PRKCB: variants seen among roughly 807,000 people sequenced by gnomAD.
PRKCB encodes the protein protein kinase C beta.
A neutral mutation model predicts 81.5 loss-of-function variants in PRKCB; 13 were observed. The observed-to-expected ratio is 0.16, with a 90% CI of 0.10 to 0.25. The LOEUF (loss-of-function observed/expected upper bound fraction) is 0.25, where lower values mean the gene tolerates loss of function less well. Ranked by LOEUF, PRKCB falls within the 10% of genes least tolerant of loss-of-function variation. The probability of loss-of-function intolerance (pLI) is 1.00; values close to 1 mark genes in which losing one functional copy is unlikely to be tolerated. For missense variants in PRKCB, 509 were observed against 875.7 expected (o/e 0.58, Z 5.29); for synonymous variants, 335 against 321.4 (o/e 1.04, Z -0.45).
chr16:23,882,017 T>TTCCTTCCTTC (rs1567301094), intron 2 of PRKCB, among the ~76,000 whole-genome samples: 19 of 15,678 alleles, frequency 1.2e-3, no homozygotes, highest in African/African-American at 1.7e-3. Flanking sequence ...TTTCTTTCTT[T>TTCCTTCCTTC]CTTTCTTCCT....
At chr16:24,027,255 G>A (rs1965493545) in intron 3 of PRKCB, among the ~76,000 whole-genome samples, 2 of 152,016 alleles carry the variant, frequency 1.3e-5, no homozygotes, top group African/African-American at 2.4e-5. Context: ...TTTGATTTTC[G>A]AACAGGTGTT....
chr16:23,920,588 G>T (rs1384811585), intron 2 of PRKCB, among the ~76,000 whole-genome samples: 2 of 152,162 alleles, frequency 1.3e-5, no homozygotes, highest in African/African-American at 2.4e-5. Flanking sequence ...CCCTGGAAAG[G>T]CTGGTGTGAT....
chr16:23,911,128 CTTTT>C (rs567904157), intron 2 of PRKCB, among the ~76,000 whole-genome samples: 342 of 31,534 alleles, frequency 0.011, 3 homozygotes, highest in African/African-American at 0.037. Flanking sequence ...CGTATATATG[CTTTT>C]TTTTTTTTTT....
chr16:23,956,843 A>G (rs142160323), intron 2 of PRKCB, among the ~76,000 whole-genome samples: 2,101 of 152,170 alleles, frequency 0.014, 53 homozygotes, highest in African/African-American at 0.048. Context: ...AAAAGGTGAC[A>G]TTTTGGATCA....
chr16:23,987,044 G>A (rs1181316764), intron 2 of PRKCB, among the ~76,000 whole-genome samples: 1 of 152,068 alleles, frequency 6.6e-6, no homozygotes, highest in Non-Finnish European at 1.5e-5. Context: ...TATGTCATCA[G>A]AAAGTGAGTA....
intron 8 of PRKCB, among the ~76,000 whole-genome samples, chr16:24,115,726 G>A (rs1966730543): frequency 6.6e-6 from 1 of 151,838 alleles, no homozygotes; most frequent in Non-Finnish European, 1.5e-5. Context: ...ATTTTGTTTT[G>A]TTTTGTTTTG....
intron 2 of PRKCB, among the ~76,000 whole-genome samples, chr16:23,899,188 A>G (rs1229689649): frequency 6.6e-6 from 1 of 152,190 alleles, no homozygotes; most frequent in Non-Finnish European, 1.5e-5. Flanking sequence ...CTCCGCTCCC[A>G]CAGAAAGAGG....
chr16:24,018,473 C>T lies in PRKCB; in HGVS notation c.289-13663C>T, dbSNP rs79301261. Among the ~76,000 whole-genome samples, 44 of 152,176 alleles carry T rather than the reference C, an allele frequency of 2.9e-4. No individual in the cohort carries two copies. The East Asian group carries it at 4.1e-3, about 14-fold the overall frequency. On this transcript the variant is annotated intron_variant, in intron 3 of 16. Transcript: ENST00000643927. ...TTATTCCAGTTTCCACACAAGGAAA[C>T]GAAAACTTAAAAGGGTTAAATAACT...
At chr16:23,847,319 T>C (rs957870025) in intron 2 of PRKCB, among the ~76,000 whole-genome samples, 24 of 16,840 alleles carry the variant, frequency 1.4e-3, no homozygotes, top group East Asian at 1.9e-3. Flanking sequence ...TGATCCTGCC[T>C]CTATCTATCT....
Position 23,902,780 on chromosome 16 carries a change from T to TCCTTCCTTCTTCCTC in PRKCB, c.205+65377_205+65378insTCCTTCTTCCTCCCT, listed in dbSNP as rs1567307987. ...TTCCTTCCTTCCTTCCTTCCTTCCT[T>TCCTTCCTTCTTCCTC]CCTCCCTCCCTCCCTCCCTTCCTTC... is the stretch of plus-strand genomic sequence containing the variant. On this transcript the variant is annotated intron_variant, in intron 2 of 16. Transcript: ENST00000643927. Among the ~76,000 whole-genome samples the TCCTTCCTTCTTCCTC allele has an allele frequency of 3.3e-4, 9 of 27,362 alleles. 1 individual carries two copies. The highest frequency in any genetic ancestry group is 3.7e-4 in the Non-Finnish European group (6 of 16,242). The allele number at this position is 27,362 out of a possible 152,430, so 18.0% of individuals were successfully genotyped here.
At chr16:23,904,041 A>G (rs1963522201) in intron 2 of PRKCB, among the ~76,000 whole-genome samples, 1 of 152,218 alleles carries the variant, frequency 6.6e-6, no homozygotes, top group South Asian at 2.1e-4. Flanking sequence ...TGTCTGCCCT[A>G]GAACTTAGCA....
intron 10 of PRKCB, among the ~76,000 whole-genome samples, chr16:24,158,798 A>G (rs554041182): frequency 4.6e-5 from 7 of 152,172 alleles, no homozygotes; most frequent in African/African-American, 1.7e-4. Context: ...AGCTAGGACT[A>G]CAAGCATGCA....
At chr16:24,116,195 A>T (rs765972829) in intron 8 of PRKCB, among the ~76,000 whole-genome samples, 2 of 152,100 alleles carry the variant, frequency 1.3e-5, no homozygotes, top group African/African-American at 4.8e-5. Context: ...ACACAGCAAG[A>T]TAAAGGACAA....
At chr16:24,057,261 A>G (rs1324748898) in intron 5 of PRKCB, among the ~76,000 whole-genome samples, 2 of 152,200 alleles carry the variant, frequency 1.3e-5, no homozygotes, top group Non-Finnish European at 2.9e-5. Context: ...CTATGAAATA[A>G]TACTATCCCA....
chr16:23,899,022 G>C, intron 2 of PRKCB, among the ~76,000 whole-genome samples: 1 of 152,214 alleles, frequency 6.6e-6, no homozygotes. Context: ...TTATTTTTAT[G>C]AATGGTATTG....
intron 3 of PRKCB, among the ~76,000 whole-genome samples, chr16:24,023,842 G>A (rs73542875): frequency 2.6e-5 from 4 of 152,166 alleles, no homozygotes; most frequent in African/African-American, 4.8e-5. Context: ...CCTCCATGAC[G>A]TGGTGACTAG....
At chr16:23,933,794 CCAT>C (rs1964015184) in intron 2 of PRKCB, among the ~76,000 whole-genome samples, 1 of 148,602 alleles carries the variant, frequency 6.7e-6, no homozygotes, top group Non-Finnish European at 1.5e-5. Context: ...ATCCATCCAT[CCAT>C]CCATCCATCC....
intron 16 of PRKCB, among the ~76,000 whole-genome samples, chr16:24,200,647 T>A (rs1466893518): frequency 1.3e-5 from 2 of 152,152 alleles, no homozygotes; most frequent in African/African-American, 4.8e-5. Context: ...TGGCAGAAGG[T>A]GAAGGGCAAG....
At position 24,216,521 on chromosome 16, in the gene PRKCB, C is replaced by T. The variant is rs1968231035; in HGVS notation, c.*1705C>T. 1.0e-6 allele frequency: 1 copy of T among 985,424 alleles called. No homozygotes were observed. Among genetic ancestry groups the T allele is most frequent in the Non-Finnish European group, 1.2e-6 (1 of 829,936 alleles). 61.0% of individuals were successfully genotyped at this position (985,424 alleles called of 1,614,324 possible). A position where few individuals can be genotyped will look rare whatever the true frequency, so the allele number is the denominator to read the frequency against. On this transcript the variant is annotated 3_prime_UTR_variant, in exon 17 of 17. Coordinates refer to ENST00000643927, the MANE Select transcript of PRKCB (RefSeq NM_002738.7). Reference sequence around the variant, plus strand: ...CAAGTGATTTCCAGAAGTTCCAGGGCTTCTGAGAGACCATCAAGGGAACTT... The same window carrying T: ...CAAGTGATTTCCAGAAGTTCCAGGGTTTCTGAGAGACCATCAAGGGAACTT...
Sources: allele counts gnomAD v4.1 joint callset (sites outside exome capture counted in the v4.1 genomes callset), GRCh38; gene constraint gnomAD v4.1.1; transcripts MANE v1.5; gene names NCBI Gene and HGNC (gene_info 2026-07-23, HGNC 2026-07-21).